Variants in MED12L observed in about 807,000 individuals in gnomAD.
The protein encoded by MED12L is mediator of RNA polymerase II transcription subunit 12-like protein.
In MED12L, 60 loss-of-function variants were observed where a neutral mutation model predicts 281.3. That is an observed-to-expected ratio of 0.21 (90% CI 0.17 to 0.26). The LOEUF (loss-of-function observed/expected upper bound fraction) is 0.26, where lower values mean the gene tolerates loss of function less well. Ranked by LOEUF, MED12L falls within the 10% of genes least tolerant of loss-of-function variation. The pLI is 1.00. For missense variants in MED12L, 2,146 were observed against 2,680.9 expected (o/e 0.80, Z 4.41); for synonymous variants, 974 against 987.2 (o/e 0.99, Z 0.25).
At chr3:151,192,937 A>G (rs747435437) in intron 15 of MED12L, among the ~76,000 whole-genome samples, 10 of 152,192 alleles carry the variant, frequency 6.6e-5, no homozygotes, top group Non-Finnish European at 1.2e-4. Flanking sequence ...ATGTAGCTTC[A>G]CGATGACAGT....
intron 16 of MED12L, among the ~76,000 whole-genome samples, chr3:151,262,127 T>C (rs1201389815): frequency 6.6e-6 from 1 of 152,218 alleles, no homozygotes; most frequent in African/African-American, 2.4e-5. Context: ...TCAGAATTTA[T>C]TGAAAGTTAG....
At position 151,417,378 on chromosome 3, in the gene MED12L, G is replaced by A. The variant is rs78526471; in HGVS notation, c.6408+956G>A. 3.5e-3 allele frequency among the ~76,000 whole-genome samples: 531 copies of A among 151,880 alleles called. 1 individual carries two copies. Among genetic ancestry groups the A allele is most frequent in the African/African-American group, 0.012 (507 of 41,354 alleles). ...TAGAGTTAGGTGGTTAAAGAACTGC[G>A]TCCAAATCAGATTGACCAGAACATG... On this transcript the variant is annotated intron_variant, in intron 43 of 44. Transcript: ENST00000687756.
At position 151,217,825 on chromosome 3, in the gene MED12L, GT is replaced by G. The variant is rs1421417625; in HGVS notation, c.2250+24160del. Among the ~76,000 whole-genome samples, 3 of 152,226 alleles carry G rather than the reference GT, an allele frequency of 2.0e-5. No individual in the cohort carries two copies. The East Asian group carries it at 5.8e-4, about 29-fold the overall frequency. ...GTGGGGTTAATGGTGAGAACATACT[GT>G]CTTACGGGTTCAAGTGTCTTAGAGC... is the stretch of plus-strand genomic sequence containing the variant. On this transcript the variant is annotated intron_variant, in intron 16 of 44. Coordinates refer to ENST00000687756, the MANE Select transcript of MED12L (RefSeq NM_001393769.1).
intron 12 of MED12L, among the ~76,000 whole-genome samples, chr3:151,186,552 C>A (rs761298011): frequency 2.0e-5 from 3 of 152,148 alleles, no homozygotes; most frequent in Non-Finnish European, 2.9e-5. Context: ...CACCTTGAGG[C>A]CTCTGCTCTT....
At chr3:151,406,825 G>A (rs1430768236) in intron 39 of MED12L, among the ~76,000 whole-genome samples, 7 of 137,074 alleles carry the variant, frequency 5.1e-5, no homozygotes, top group African/African-American at 2.0e-4. Context: ...TTTTGAGATA[G>A]GGTCTCATTC....
At chr3:151,213,315 G>T (rs1168852998) in intron 16 of MED12L, 1 of 1,608,628 alleles carries the variant, frequency 6.2e-7, no homozygotes, top group African/African-American at 1.3e-5. Context: ...AAGTATCTGT[G>T]CTTTCAAGTG....
intron 37 of MED12L, 61 bp from the exon 38 acceptor site, chr3:151,389,918 G>C: frequency 6.5e-7 from 1 of 1,544,336 alleles, no homozygotes; most frequent in Admixed American, 1.7e-5. Flanking sequence ...GAAGTTATTT[G>C]CATTAATTAG....
chr3:151,427,310 C>CT (rs1224774336), intron 43 of MED12L, among the ~76,000 whole-genome samples: 2 of 152,152 alleles, frequency 1.3e-5, no homozygotes, highest in African/African-American at 4.8e-5. Context: ...CTGACAGAGT[C>CT]TTGGGGACCT....
intron 16 of MED12L, among the ~76,000 whole-genome samples, chr3:151,291,936 A>G (rs543539267): frequency 2.0e-5 from 3 of 152,326 alleles, no homozygotes; most frequent in Non-Finnish European, 4.4e-5. Context: ...TAATAATGTC[A>G]TGTAGGAGAA....
intron 38 of MED12L, among the ~76,000 whole-genome samples, chr3:151,393,023 T>C (rs1714488484): frequency 6.6e-6 from 1 of 152,236 alleles, no homozygotes. Flanking sequence ...CAGCCATGTG[T>C]TACTTAGATT....
intron 5 of MED12L, among the ~76,000 whole-genome samples, chr3:151,153,548 C>T (rs1054822606): frequency 2.7e-5 from 4 of 149,096 alleles, no homozygotes; most frequent in Non-Finnish European, 4.4e-5. Flanking sequence ...TGTATGTATC[C>T]GTTTCTGTTT....
chr3:151,424,052 A>G (rs1577620327), intron 43 of MED12L, among the ~76,000 whole-genome samples: 2 of 152,188 alleles, frequency 1.3e-5, no homozygotes, highest in Non-Finnish European at 2.9e-5. Context: ...CCATTCAGAG[A>G]AATTGAGATA....
intron 16 of MED12L, among the ~76,000 whole-genome samples, chr3:151,203,407 T>C (rs1446785563): frequency 1.3e-5 from 2 of 148,352 alleles, no homozygotes; most frequent in Non-Finnish European, 3.0e-5. Flanking sequence ...ATTTAGTACC[T>C]AGCCTTTTTT....
At chr3:151,129,715 TTG>T (rs62785262) in intron 5 of MED12L, among the ~76,000 whole-genome samples, 67,066 of 147,332 alleles carry the variant, frequency 0.46, 16,844 homozygotes, top group Non-Finnish European at 0.58. Context: ...ATATCTACAT[TTG>T]TGTGTGTGTG....
chr3:151,372,729 A>T lies in MED12L; in HGVS notation c.3827A>T (p.Glu1276Val). 6.2e-7 allele frequency: 1 copy of T among 1,613,850 alleles called. No individual in the cohort carries two copies. Among genetic ancestry groups the T allele is most frequent in the Non-Finnish European group, 8.5e-7 (1 of 1,179,802 alleles). Residue 1276 changes from glutamate (E) to valine (V), a missense_variant, in exon 27 of 45, where the codon GAA becomes GTA. Transcript: ENST00000687756. ...TCCATAGAAACTGCCAATTTAAGAG[A>T]ATACGCTAGATATGTACTGAGGACT... ...SISIETANLR[E>V]YARYVLRTIC...
At chr3:151,141,928 T>C (rs1717085714) in intron 5 of MED12L, among the ~76,000 whole-genome samples, 1 of 152,218 alleles carries the variant, frequency 6.6e-6, no homozygotes, top group South Asian at 2.1e-4. Context: ...CCACTTGAAT[T>C]AATCAGTCAT....
chr3:151,379,617 A>G (rs1460881187), intron 31 of MED12L, among the ~76,000 whole-genome samples: 1 of 152,174 alleles, frequency 6.6e-6, no homozygotes, highest in African/African-American at 2.4e-5. Flanking sequence ...TAGCTCTACT[A>G]ACACCCTGCT....
intron 42 of MED12L, among the ~76,000 whole-genome samples, chr3:151,414,785 A>C (rs1717358581): frequency 6.6e-6 from 1 of 151,618 alleles, no homozygotes; most frequent in South Asian, 2.1e-4. Context: ...TTCAGATAGC[A>C]ATCTCAGTCA....
intron 20 of MED12L, among the ~76,000 whole-genome samples, chr3:151,359,930 TATATA>T (rs1754401023): frequency 6.6e-6 from 1 of 152,120 alleles, no homozygotes; most frequent in South Asian, 2.1e-4. Context: ...TTTATCTTCT[TATATA>T]AGATAAACTA....
Sources: allele counts gnomAD v4.1 joint callset (sites outside exome capture counted in the v4.1 genomes callset), GRCh38; gene constraint gnomAD v4.1.1; transcripts MANE v1.5; gene names NCBI Gene and HGNC (gene_info 2026-07-23, HGNC 2026-07-21).